AK5: variants seen among roughly 807,000 people sequenced by gnomAD.
AK5 encodes the protein adenylate kinase isoenzyme 5.
AK5 carries 27 observed loss-of-function variants against 69.5 expected under a neutral mutation model. The ratio of observed to expected loss-of-function variants is 0.39; its 90% CI spans 0.29 to 0.54. The LOEUF (loss-of-function observed/expected upper bound fraction) is 0.54, where lower values mean the gene tolerates loss of function less well. Ranked by LOEUF, AK5 falls within the 20% of genes least tolerant of loss-of-function variation. The pLI, the probability that AK5 is intolerant of heterozygous loss-of-function variation, is 0.71. For synonymous variants in AK5, 260 were observed against 244.4 expected (o/e 1.06, Z -0.60); for missense variants, 531 against 700.4 (o/e 0.76, Z 2.73).
intron 2 of AK5, among the ~76,000 whole-genome samples, chr1:77,289,893 A>G (rs925012831): frequency 6.7e-6 from 1 of 150,094 alleles, no homozygotes; most frequent in Non-Finnish European, 1.5e-5. Context: ...AAAAAAGTCA[A>G]TTACAAATTT....
In AK5 at chr1:77,478,116, A is replaced by G. The variant is rs563343074; in HGVS notation, c.1060-5201A>G. Among the ~76,000 whole-genome samples the G allele has an allele frequency of 9.2e-5, 14 of 152,340 alleles. No homozygotes were observed. The East Asian group carries it at 1.5e-3, about 17-fold the overall frequency. ...CTCTTGTGCCATGGGAAGCCCAGGC[A>G]CATCCCCATCCTGTGCTCCCTCAGA... is the stretch of plus-strand genomic sequence containing the variant. On this transcript the variant is annotated intron_variant, in intron 8 of 13. Coordinates refer to ENST00000354567, the MANE Select transcript of AK5 (RefSeq NM_174858.3).
At chr1:77,480,252 T>C (rs1365731151) in intron 8 of AK5, among the ~76,000 whole-genome samples, 1 of 152,194 alleles carries the variant, frequency 6.6e-6, no homozygotes, top group Non-Finnish European at 1.5e-5. Flanking sequence ...AAACATCTCA[T>C]TCACCTGGGC....
chr1:77,414,379 G>T (rs1451972143), intron 7 of AK5, among the ~76,000 whole-genome samples: 1 of 152,144 alleles, frequency 6.6e-6, no homozygotes, highest in African/African-American at 2.4e-5. Context: ...AAGAAGCCCT[G>T]CAATTGTAGG....
Position 77,521,853 on chromosome 1 carries a change from G to A in AK5, c.1338G>A (p.Glu446=). ...GCATCGTTTTGGAGCTCCTGAAGGA[G>A]GCCATGGTGGCCAGCCTCGGGGACA... ...PSGIVLELLK[E]AMVASLGDTR... The change falls in exon 12 of 14, where the codon GAG becomes GAA. Residue 446 remains glutamate (E), a synonymous_variant. Coordinates refer to ENST00000354567, the MANE Select transcript of AK5 (RefSeq NM_174858.3). The A allele has an allele frequency of 6.2e-7, 1 of 1,613,612 alleles. No individual in the cohort carries two copies. The highest frequency in any genetic ancestry group is 1.6e-4 in the Middle Eastern group (1 of 6,062).
intron 6 of AK5, among the ~76,000 whole-genome samples, chr1:77,403,807 A>T (rs1362793761): frequency 1.3e-5 from 2 of 152,186 alleles, no homozygotes; most frequent in South Asian, 2.1e-4. Flanking sequence ...TATGAACTTT[A>T]AAGTAGCTTT....
chr1:77,434,942 T>G (rs1651869301), intron 8 of AK5, among the ~76,000 whole-genome samples: 3 of 152,132 alleles, frequency 2.0e-5, no homozygotes, highest in Admixed American at 2.0e-4. Flanking sequence ...AACATGAAAT[T>G]GCCTGGTTAG....
chr1:77,291,668 A>G (rs776968980), intron 2 of AK5, among the ~76,000 whole-genome samples: 31 of 152,166 alleles, frequency 2.0e-4, no homozygotes, highest in Admixed American at 3.9e-4. Context: ...TACTAATTCA[A>G]CAAATATTTA....
At chr1:77,466,956 G>A (rs1011243007) in intron 8 of AK5, among the ~76,000 whole-genome samples, 1 of 152,166 alleles carries the variant, frequency 6.6e-6, no homozygotes, top group Non-Finnish European at 1.5e-5. Flanking sequence ...ATTGCAGGTA[G>A]CAGAAATGAA....
intron 8 of AK5, among the ~76,000 whole-genome samples, chr1:77,483,014 AAAAAAAAAAAAAAAAAAAAAAAAAAAG>A (rs1368397091): frequency 1.5e-4 from 17 of 116,228 alleles, no homozygotes; most frequent in South Asian, 3.0e-4. Context: ...AAAAAAAAAA[AAAAAAAAAAAAAAAAAAAAAAAAAAAG>A]AGGTGAGATA....
At chr1:77,440,055 T>C (rs1652226677) in intron 8 of AK5, among the ~76,000 whole-genome samples, 1 of 152,186 alleles carries the variant, frequency 6.6e-6, no homozygotes, top group Admixed American at 6.5e-5. Context: ...CTCTTTGGTG[T>C]ATCTATTCCA....
intron 6 of AK5, among the ~76,000 whole-genome samples, chr1:77,342,386 A>G (rs1661700591): frequency 6.6e-6 from 1 of 152,200 alleles, no homozygotes; most frequent in Non-Finnish European, 1.5e-5. Context: ...TTCTCAAATG[A>G]ATGCGGAGTG....
chr1:77,557,961 C>A (rs1660208338), intron 13 of AK5, among the ~76,000 whole-genome samples: 1 of 141,354 alleles, frequency 7.1e-6, no homozygotes, highest in Non-Finnish European at 1.5e-5. Flanking sequence ...TTTGACTTTT[C>A]CAGAATGTCA....
chr1:77,375,983 A>G (rs1647221396), intron 6 of AK5, among the ~76,000 whole-genome samples: 1 of 152,198 alleles, frequency 6.6e-6, no homozygotes, highest in Non-Finnish European at 1.5e-5. Context: ...TGAAGGTACA[A>G]ATGTATTGTA....
chr1:77,532,281 A>C (rs1658687900), intron 12 of AK5: 1 of 154,080 alleles, frequency 6.5e-6, no homozygotes, highest in African/African-American at 2.4e-5. Context: ...GCATGCTGTC[A>C]CCTCTCAGTC....
chr1:77,293,754 G>A, intron 2 of AK5, 39 bp from the exon 3 acceptor site: 1 of 1,523,396 alleles, frequency 6.6e-7, no homozygotes, highest in Non-Finnish European at 8.9e-7. Flanking sequence ...TTTTATTATG[G>A]TGTTTTTTCC....
chr1:77,324,385 C>G (rs781654015), intron 5 of AK5, among the ~76,000 whole-genome samples: 24 of 151,166 alleles, frequency 1.6e-4, no homozygotes, highest in Non-Finnish European at 3.2e-4. Context: ...AAGACTAAAA[C>G]TAATTTTCGT....
intron 6 of AK5, among the ~76,000 whole-genome samples, chr1:77,373,711 G>A (rs1647165267): frequency 6.8e-6 from 1 of 147,792 alleles, no homozygotes; most frequent in Non-Finnish European, 1.5e-5. Context: ...GGGAGGCAGA[G>A]CAAGACTCCA....
chr1:77,321,431 T>C lies in AK5; in HGVS notation c.700-18946T>C, dbSNP rs115239605. On this transcript the variant is annotated intron_variant, in intron 5 of 13. Transcript: ENST00000354567. ...TTGCAGTGAGCTGAGGTCTCGCCAC[T>C]GCACTGCAGCATGGGCAATAGATAG... Among the ~76,000 whole-genome samples the C allele has an allele frequency of 2.4e-3, 362 of 151,816 alleles. 2 individuals are homozygous for C. Among genetic ancestry groups the C allele is most frequent in the African/African-American group, 8.1e-3 (333 of 41,356 alleles).
chr1:77,323,465 A>G (rs1285489569), intron 5 of AK5, among the ~76,000 whole-genome samples: 1 of 152,226 alleles, frequency 6.6e-6, no homozygotes, highest in Non-Finnish European at 1.5e-5. Context: ...CATTAGAGCA[A>G]ATTATTAGAG....
Sources: gnomAD v4.1 joint callset for allele counts (sites outside exome capture counted in the v4.1 genomes callset) on GRCh38, gnomAD v4.1.1 for gene constraint, MANE v1.5 for transcripts, NCBI Gene and HGNC (gene_info 2026-07-23, HGNC 2026-07-21) for gene names.